Variants in ASCC3 observed in about 807,000 individuals in gnomAD.
ASCC3 encodes activating signal cointegrator 1 complex subunit 3.
Under a neutral mutation model 256.3 loss-of-function variants are expected in ASCC3, and 158 were observed. That is an observed-to-expected ratio of 0.62 (90% CI 0.54 to 0.70). The LOEUF (loss-of-function observed/expected upper bound fraction) is 0.70, where lower values mean the gene tolerates loss of function less well. Among genes scored for constraint, ASCC3 ranks in the 30% least tolerant of loss-of-function variants. The pLI, the probability that ASCC3 is intolerant of heterozygous loss-of-function variation, is 0.00. For synonymous variants in ASCC3, 948 were observed against 883.4 expected (o/e 1.07, Z -1.30); for missense variants, 2,259 against 2,626.0 (o/e 0.86, Z 3.05).
At chr6:100,744,497 C>T (rs990953759) in intron 10 of ASCC3, among the ~76,000 whole-genome samples, 3 of 152,022 alleles carry the variant, frequency 2.0e-5, no homozygotes, top group Admixed American at 6.6e-5. Flanking sequence ...TCAAAATTAA[C>T]TTTTATAATG....
chr6:100,561,220 G>A (rs1424222901), intron 36 of ASCC3, among the ~76,000 whole-genome samples: 2 of 151,770 alleles, frequency 1.3e-5, no homozygotes, highest in African/African-American at 2.4e-5. Context: ...TCTCTAGCAC[G>A]TTAATATATC....
intron 20 of ASCC3, 148 bp from the exon 21 acceptor site, chr6:100,647,599 T>C: frequency 1.4e-6 from 1 of 704,354 alleles, no homozygotes; most frequent in Non-Finnish European, 2.4e-6. Flanking sequence ...CATATAATCC[T>C]AATTATCTTA....
rs1291039951 is a variant in ASCC3 at position 100,627,590 on chromosome 6, C to T, written c.4642G>A (p.Ala1548Thr). Residue 1548 changes from alanine to threonine, a missense_variant and splice_region_variant, in exon 29 of 42, where the codon GCA (alanine) becomes ACA (threonine). Ala to Thr is a moderately conservative substitution (Grantham distance 58, BLOSUM62 0). Transcript: ENST00000369162. ...MASMNKPAFQ[A>T]IRSHSPAKPV... ...TTTATTCCAAGAATCTGAAGCTTAC[C>T]CTGAAATGCAGGCTTGTTCATACTA... 1.9e-6 allele frequency: 3 copies of T among 1,613,082 alleles called. No homozygotes were observed. The South Asian group carries it at 3.3e-5, about 18-fold the overall frequency.
At chr6:100,838,471 T>C (rs147064756) in intron 4 of ASCC3, among the ~76,000 whole-genome samples, 1 of 152,192 alleles carries the variant, frequency 6.6e-6, no homozygotes, top group African/African-American at 2.4e-5. Context: ...ATGAAAATTA[T>C]GACAGCATTT....
At chr6:100,587,647 C>A (rs1186069590) in intron 36 of ASCC3, among the ~76,000 whole-genome samples, 1 of 152,150 alleles carries the variant, frequency 6.6e-6, no homozygotes, top group East Asian at 1.9e-4. Context: ...TAGACCAAAC[C>A]ATATCTATAT....
chr6:100,530,968 T>G, intron 37 of ASCC3: 1 of 1,548,760 alleles, frequency 6.5e-7, no homozygotes, highest in African/African-American at 1.4e-5. Flanking sequence ...CTAATTATGA[T>G]GAAGGAGCAT....
intron 37 of ASCC3, among the ~76,000 whole-genome samples, chr6:100,523,548 T>C (rs1307447281): frequency 2.0e-5 from 3 of 152,048 alleles, no homozygotes; most frequent in Admixed American, 2.0e-4. Flanking sequence ...GTTTAGAAAA[T>C]GGGCAGTCTC....
chr6:100,703,355 A>G (rs551730385), intron 13 of ASCC3, among the ~76,000 whole-genome samples: 1 of 152,160 alleles, frequency 6.6e-6, no homozygotes, highest in East Asian at 1.9e-4. Context: ...AATCTTCAAG[A>G]TTAGGAGAGA....
chr6:100,542,713 A>G (rs1287480586), intron 36 of ASCC3, among the ~76,000 whole-genome samples: 1 of 151,872 alleles, frequency 6.6e-6, no homozygotes, highest in African/African-American at 2.4e-5. Flanking sequence ...AAAAAGAAAA[A>G]CAACTGTCAA....
chr6:100,641,422 T>G (rs1394863853), intron 24 of ASCC3, among the ~76,000 whole-genome samples: 1 of 152,198 alleles, frequency 6.6e-6, no homozygotes, highest in Non-Finnish European at 1.5e-5. Context: ...TCACTGTGGT[T>G]TTGATTGGCA....
intron 37 of ASCC3, among the ~76,000 whole-genome samples, chr6:100,529,163 T>C (rs1380673399): frequency 1.3e-5 from 2 of 152,128 alleles, no homozygotes; most frequent in African/African-American, 4.8e-5. Flanking sequence ...TGTGTGTGTA[T>C]GTGTTTATTA....
At chr6:100,771,866 G>GTTTTT (rs57465763) in intron 8 of ASCC3, among the ~76,000 whole-genome samples, 1 of 91,820 alleles carries the variant, frequency 1.1e-5, no homozygotes, top group Non-Finnish European at 2.0e-5. Flanking sequence ...CAATCTGCAA[G>GTTTTT]TTTTTTTTTT....
At chr6:100,631,590 TA>T (rs987381109) in intron 25 of ASCC3, among the ~76,000 whole-genome samples, 1 of 151,852 alleles carries the variant, frequency 6.6e-6, no homozygotes, top group African/African-American at 2.4e-5. Context: ...AGGGTTCTGA[TA>T]AAAAATTTTT....
intron 24 of ASCC3, 45 bp from the exon 25 acceptor site, chr6:100,638,866 G>T: frequency 1.4e-6 from 2 of 1,395,834 alleles, no homozygotes; most frequent in Non-Finnish European, 2.0e-6. Flanking sequence ...TGAAAAACAC[G>T]CATAATACTG....
intron 10 of ASCC3, among the ~76,000 whole-genome samples, chr6:100,755,679 G>A (rs766675015): frequency 6.6e-6 from 1 of 151,950 alleles, no homozygotes; most frequent in African/African-American, 2.4e-5. Context: ...ACCTGTTCTA[G>A]AGTATAATAA....
chr6:100,778,400 T>A (rs548468365), intron 8 of ASCC3, among the ~76,000 whole-genome samples: 2 of 104,180 alleles, frequency 1.9e-5, no homozygotes, highest in Non-Finnish European at 3.9e-5. Context: ...TCTTTCTAAA[T>A]TCTGTCTAAA....
At chr6:100,711,516 C>T (rs1450016882) in intron 13 of ASCC3, among the ~76,000 whole-genome samples, 1 of 152,100 alleles carries the variant, frequency 6.6e-6, no homozygotes, top group African/African-American at 2.4e-5. Context: ...CACCTGAGGT[C>T]GGGAGTTCAA....
intron 13 of ASCC3, among the ~76,000 whole-genome samples, chr6:100,690,630 T>C (rs566840889): frequency 1.3e-5 from 2 of 152,284 alleles, no homozygotes; most frequent in African/African-American, 2.4e-5. Flanking sequence ...TAAACATTTA[T>C]TAGATATGCC....
chr6:100,585,065 TG>T (rs1158869713), intron 36 of ASCC3, among the ~76,000 whole-genome samples: 1 of 152,166 alleles, frequency 6.6e-6, no homozygotes, highest in Non-Finnish European at 1.5e-5. Flanking sequence ...GTCTTGGAGT[TG>T]CTCTTCTCGA....
Sources: allele counts gnomAD v4.1 joint callset (sites outside exome capture counted in the v4.1 genomes callset), GRCh38; gene constraint gnomAD v4.1.1; transcripts MANE v1.5; gene names NCBI Gene and HGNC (gene_info 2026-07-23, HGNC 2026-07-21).